Variants in NFRKB observed in about 807,000 individuals in gnomAD.
NFRKB encodes nuclear factor related to kappa-B-binding protein.
In NFRKB, 62 loss-of-function variants were observed where a neutral mutation model predicts 135.7. That is an observed-to-expected ratio of 0.46 (90% CI 0.37 to 0.56). The LOEUF is 0.56. Among genes scored for constraint, NFRKB ranks in the 20% least tolerant of loss-of-function variants. NFRKB has a pLI of 0.00. For synonymous variants in NFRKB, 678 were observed against 635.6 expected, an observed-to-expected ratio of 1.07 and a Z score of -1.00; for missense variants, 1,545 against 1,662.0, an observed-to-expected ratio of 0.93 and a Z score of 1.22.
intron 3 of NFRKB, among the ~76,000 whole-genome samples, chr11:129,889,604 G>A (rs1396759353): frequency 1.3e-5 from 2 of 150,398 alleles, no homozygotes; most frequent in Admixed American, 1.3e-4. Flanking sequence ...GCATATATAT[G>A]GTCTGAGGTG....
At chr11:129,882,294 G>A in intron 10 of NFRKB, 100 bp from the exon 11 acceptor site, 1 of 1,339,408 alleles carries the variant, frequency 7.5e-7, no homozygotes, top group Non-Finnish European at 1.0e-6. Flanking sequence ...AAGAGTTCAA[G>A]AAAGGAGCAA....
chr11:129,892,963 G>C, intron 2 of NFRKB, 93 bp from the exon 3 acceptor site: 8 of 1,590,410 alleles, frequency 5.0e-6, no homozygotes, highest in South Asian at 1.1e-5. Flanking sequence ...TCAACCTCCA[G>C]CCAGTTCTTA....
chr11:129,867,321 TC>T (rs1277491458), intron 24 of NFRKB, among the ~76,000 whole-genome samples: 3 of 147,310 alleles, frequency 2.0e-5, no homozygotes, highest in Non-Finnish European at 4.5e-5. Context: ...CCTAAGTAAC[TC>T]TTTTTTTTTT....
intron 6 of NFRKB, 85 bp from the exon 7 acceptor site, chr11:129,884,931 C>A: frequency 6.2e-7 from 1 of 1,602,410 alleles, no homozygotes; most frequent in Non-Finnish European, 8.5e-7. Context: ...TTGGGTTCAA[C>A]AAGGCTAAGC....
intron 2 of NFRKB, chr11:129,893,386 CT>C: frequency 4.4e-5 from 1 of 22,664 alleles, no homozygotes; most frequent in South Asian, 4.0e-4. Context: ...AACCCCTTCT[CT>C]ACAAAAAAAA....
rs756722021 is a variant in NFRKB at position 129,877,361 on chromosome 11, G to T, written c.1536C>A (p.Pro512=). The T allele has an allele frequency of 6.2e-7, 1 of 1,614,158 alleles. No homozygotes were observed. Among genetic ancestry groups the T allele is most frequent in the Non-Finnish European group, 8.5e-7 (1 of 1,180,018 alleles). The change falls in exon 16 of 27, where the codon CCC becomes CCA. Residue 512 remains proline (P), a synonymous_variant. Coordinates refer to ENST00000682444, the MANE Select transcript of NFRKB (RefSeq NM_001143835.2). ...AAACCCGTTTCTCCTCCCCCGTGCTGGGACGCACCACATAGTCAGTTCTTC... is the reference window on the plus strand; with the variant it reads ...AAACCCGTTTCTCCTCCCCCGTGCTTGGACGCACCACATAGTCAGTTCTTC... ...PRVRTDYVVR[P]STGEEKRVFQ... is the part of the protein sequence containing the mutation.
Position 129,872,960 on chromosome 11 carries a change from G to C in NFRKB, c.2687C>G (p.Ser896Cys). The part of the protein sequence containing the change: ...ASPVSKPATS[S>C]PGTSAPSAST... ...GGCACTGGGAGCAGAGGTCCCAGGA[G>C]AACTCGTGGCTGGCTTACTCACAGG... Residue 896 changes from serine (S) to cysteine (C), a missense_variant, in exon 23 of 27, where the codon TCT (serine) becomes TGT (cysteine). Ser to Cys is a moderately radical substitution (Grantham distance 112, BLOSUM62 -1). Transcript: ENST00000682444. 1 of 1,614,174 alleles carries C rather than the reference G, an allele frequency of 6.2e-7. No individual in the cohort carries two copies. Among genetic ancestry groups the C allele is most frequent in the Non-Finnish European group, 8.5e-7 (1 of 1,180,000 alleles).
At chr11:129,869,026 TAAAC>T (rs911924455) in intron 24 of NFRKB, among the ~76,000 whole-genome samples, 8 of 152,048 alleles carry the variant, frequency 5.3e-5, no homozygotes, top group African/African-American at 1.9e-4. Flanking sequence ...ATCTCAAAAA[TAAAC>T]AAACAAATAA....
intron 2 of NFRKB, 136 bp downstream of exon 2, chr11:129,894,223 C>A (rs1478290404): frequency 6.6e-6 from 1 of 152,214 alleles, no homozygotes; most frequent in East Asian, 1.9e-4. Flanking sequence ...TTTACTAAAT[C>A]CATCCTTTCC....
At chr11:129,886,228 A>C in intron 5 of NFRKB, 89 bp downstream of exon 5, 1 of 1,476,932 alleles carries the variant, frequency 6.8e-7, no homozygotes, top group Non-Finnish European at 9.2e-7. Context: ...TCTTCGTGGC[A>C]ATTTTTGTGT....
At chr11:129,886,681 G>A (rs1241280174) in intron 4 of NFRKB, among the ~76,000 whole-genome samples, 2 of 152,212 alleles carry the variant, frequency 1.3e-5, no homozygotes, top group Non-Finnish European at 2.9e-5. Flanking sequence ...GTCTTCAGCA[G>A]CACTAGAACT....
intron 13 of NFRKB, among the ~76,000 whole-genome samples, chr11:129,880,637 T>C (rs969721368): frequency 1.3e-5 from 2 of 152,102 alleles, no homozygotes; most frequent in Admixed American, 6.5e-5. Flanking sequence ...TAAACCCCCA[T>C]CCTCTCTGGT....
At chr11:129,877,255 A>G in intron 16 of NFRKB, 70 bp downstream of exon 16, 4 of 1,419,556 alleles carry the variant, frequency 2.8e-6, no homozygotes, top group Non-Finnish European at 4.0e-6. Flanking sequence ...GATGCAGGAG[A>G]GTCAGGCTCA....
In NFRKB at chr11:129,869,755, G is replaced by T. The variant is rs2229652; in HGVS notation, c.3270C>A (p.Ile1090=). The T allele has an allele frequency of 6.2e-7, 1 of 1,614,258 alleles. No individual in the cohort carries two copies. Among genetic ancestry groups the T allele is most frequent in the Non-Finnish European group, 8.5e-7 (1 of 1,180,058 alleles). ...GAGGCATCACTCCCAGTCCCTGCACGATGCGGATCGTGGCAGCTGGTTTTG... is the reference window on the plus strand; with the variant it reads ...GAGGCATCACTCCCAGTCCCTGCACTATGCGGATCGTGGCAGCTGGTTTTG... ...SEAKPAATIR[I]VQGLGVMPPK... is the part of the protein sequence containing the mutation. Residue 1090 remains isoleucine, a synonymous_variant, in exon 24 of 27, where the codon ATC becomes ATA. Coordinates refer to ENST00000682444, the MANE Select transcript of NFRKB (RefSeq NM_001143835.2).
intron 17 of NFRKB, among the ~76,000 whole-genome samples, chr11:129,876,351 G>C (rs1948765259): frequency 6.6e-6 from 1 of 152,156 alleles, no homozygotes; most frequent in Non-Finnish European, 1.5e-5. Context: ...ACATTTAAAA[G>C]CATAACTCTG....
rs777513227 is a variant in NFRKB at position 129,874,147 on chromosome 11, A to G, written c.2245T>C (p.Ser749Pro). Residue 749 changes from serine (S) to proline (P), a missense_variant, in exon 21 of 27, where the codon TCC becomes CCC. Ser to Pro is a moderately conservative substitution (Grantham distance 74). Transcript: ENST00000682444. This position sits in a 1 kb window ranked among gnomAD's most constrained non-coding sequence, Gnocchi z 4.5. ...PVSAVNKSGP[S>P]TVSEPAKSSS... ...GACTTAGCTGGTTCTGAGACTGTGG[A>G]AGGGCCGCTTTTGTTCACTGCCGAT... The G allele has an allele frequency of 1.4e-5, 22 of 1,528,572 alleles. No individual in the cohort carries two copies. In the Middle Eastern group the frequency reaches 7.1e-4, roughly 49 times the overall value. The allele number at this position is 1,528,572 out of a possible 1,614,324, so 94.7% of individuals were successfully genotyped here.
In NFRKB at chr11:129,881,821, C is replaced by T. The variant is rs767378140; in HGVS notation, c.1224G>A (p.Ser408=). ...LEERVLDWQS[S]PASSLNSWFS... The stretch of plus-strand genomic sequence containing the variant: ...ACCAGCTGTTGAGGGAGCTGGCTGG[C>T]GATGACTGCCAATCCAAAACTCGCT... The change falls in exon 12 of 27, where the codon TCG becomes TCA. Residue 408 remains serine (S), a synonymous_variant. Transcript: ENST00000682444. The T allele has an allele frequency of 5.0e-6, 8 of 1,611,862 alleles. No homozygotes were observed. In the East Asian group the frequency reaches 6.7e-5, roughly 13 times the overall value.
In NFRKB at chr11:129,884,093, G is replaced by C. The variant is rs772536594; in HGVS notation, c.793C>G (p.His265Asp). The part of the protein sequence containing the change: ...SDLKIMLKKH[H>D]EKRKHQPDHP... ...ACTGGCTGATGTTTCCGCTTCTCGT[G>C]GTGCTTCTTTAACATTATCTTCAGG... The change falls in exon 8 of 27, where the codon CAC becomes GAC. Residue 265 changes from histidine (H) to aspartate (D), a missense_variant. His to Asp is a moderately conservative substitution (Grantham distance 81). Around this residue, in one of 3 missense-constraint regions of NFRKB, gnomAD observed 678 missense variants for 646.7 expected, o/e 1.05. Transcript: ENST00000682444. The C allele has an allele frequency of 5.0e-6, 8 of 1,614,058 alleles. No individual in the cohort carries two copies. The Admixed American group carries it at 6.7e-5, about 13-fold the overall frequency.
chr11:129,893,907 AC>A (rs1404266746), intron 2 of NFRKB: 2 of 152,234 alleles, frequency 1.3e-5, no homozygotes, highest in African/African-American at 4.8e-5. Context: ...AATAATAAAA[AC>A]GAACCTTACT....
Sources: gnomAD v4.1 joint callset for allele counts (sites outside exome capture counted in the v4.1 genomes callset) on GRCh38, gnomAD v4.1.1 for gene constraint, gnomAD v4.1.1 regional missense constraint, Gnocchi (gnomAD v3.1) non-coding constraint, MANE v1.5 for transcripts, NCBI Gene and HGNC (gene_info 2026-07-23, HGNC 2026-07-21) for gene names.